The following FER1L6 variants were observed in gnomAD, a reference collection of about 807,000 sequenced individuals.
FER1L6 encodes the protein fer-1-like protein 6.
In FER1L6, 177 loss-of-function variants were observed where a neutral mutation model predicts 219.2. The observed-to-expected ratio is 0.81, with a 90% CI of 0.71 to 0.91. The LOEUF (loss-of-function observed/expected upper bound fraction) is 0.91, where lower values mean the gene tolerates loss of function less well. Ranked by LOEUF, FER1L6 falls within the 40% of genes least tolerant of loss-of-function variation. The pLI is 0.00. For synonymous variants in FER1L6, 768 were observed against 824.3 expected, an observed-to-expected ratio of 0.93 and a Z score of 1.17; for missense variants, 2,153 against 2,259.9, an observed-to-expected ratio of 0.95 and a Z score of 0.96.
At chr8:124,088,209 T>C (rs77700029) in intron 33 of FER1L6, among the ~76,000 whole-genome samples, 1,606 of 152,236 alleles carry the variant, frequency 0.011, 19 homozygotes, top group Non-Finnish European at 0.016. Flanking sequence ...GGAATCTACC[T>C]GCTGCTCTAT....
rs1421626408 is a variant in FER1L6, at chr8:123,852,587, A to C, written c.-8+402A>C. The stretch of plus-strand genomic sequence containing the variant: ...GGGGATTATAGAGACAAAAAGCATG[A>C]GGAAGTTGCCTCAGGAACTCATAGA... On this transcript the variant is annotated intron_variant, in intron 1 of 40. Coordinates refer to ENST00000522917, the MANE Select transcript of FER1L6 (RefSeq NM_001039112.2). This position sits in a 1 kb window ranked among gnomAD's most constrained non-coding sequence, Gnocchi z 4.9. 1.3e-5 allele frequency among the ~76,000 whole-genome samples: 2 copies of C among 152,082 alleles called. No individual in the cohort carries two copies. Among genetic ancestry groups the C allele is most frequent in the African/African-American group, 4.8e-5 (2 of 41,402 alleles).
chr8:124,081,605 CAAAAAAAA>C (rs1243602409), intron 32 of FER1L6, among the ~76,000 whole-genome samples: 1 of 53,002 alleles, frequency 1.9e-5, no homozygotes, highest in African/African-American at 6.2e-5. Flanking sequence ...ATGCAGAGAC[CAAAAAAAA>C]AAAAAAAAAA....
At chr8:123,981,891 A>G (rs1816340364) in intron 11 of FER1L6, among the ~76,000 whole-genome samples, 1 of 152,204 alleles carries the variant, frequency 6.6e-6, no homozygotes, top group Admixed American at 6.5e-5. Flanking sequence ...TTCTTAGCAC[A>G]TACATAGGAA....
chr8:124,023,970 C>T (rs1221794678), intron 18 of FER1L6, among the ~76,000 whole-genome samples: 2 of 150,942 alleles, frequency 1.3e-5, no homozygotes, highest in South Asian at 2.1e-4. Context: ...GACCTCGGCT[C>T]ACTGCAACCT....
chr8:124,091,422 GAGA>G lies in FER1L6; in HGVS notation c.4394_4396del (p.Glu1465del), dbSNP rs1260499191. ...AAGTGTGTTCTCCCTCCACTTTTCA[GAGA>G]AGGATACAATGCCTGGAGAGACACG... On this transcript the variant is annotated inframe_deletion and splice_region_variant, in exon 34 of 41. Coordinates refer to ENST00000522917, the MANE Select transcript of FER1L6 (RefSeq NM_001039112.2). The G allele has an allele frequency of 6.8e-6, 11 of 1,613,266 alleles. No individual in the cohort carries two copies. Among genetic ancestry groups the G allele is most frequent in the Admixed American group, 1.7e-5 (1 of 59,944 alleles).
chr8:124,005,224 A>G (rs911972842), intron 13 of FER1L6, among the ~76,000 whole-genome samples: 1 of 152,164 alleles, frequency 6.6e-6, no homozygotes, highest in African/African-American at 2.4e-5. Flanking sequence ...TCGCTAAACT[A>G]TGAGAACCAG....
chr8:123,975,309 A>G lies in FER1L6; in HGVS notation c.683+3A>G, dbSNP rs1279011657. On this transcript the variant is annotated splice_donor_region_variant and intron_variant, in intron 8 of 40. Coordinates refer to ENST00000522917, the MANE Select transcript of FER1L6 (RefSeq NM_001039112.2). ...GACACCGAGGAGCCAATAGAAAAGT[A>G]AGACAGGTCCATCCTGGGTTGTGCA... The G allele has an allele frequency of 5.6e-6, 9 of 1,605,722 alleles. No individual in the cohort carries two copies. The highest frequency in any genetic ancestry group is 4.5e-5 in the South Asian group (4 of 89,640).
rs370576485 is a variant in FER1L6 at position 123,853,918 on chromosome 8, G to A, written c.-8+1733G>A. On this transcript the variant is annotated intron_variant, in intron 1 of 40. Transcript: ENST00000522917. The surrounding 1 kb of genome is among the most constrained non-coding windows in gnomAD (Gnocchi z 6.6). ...GAGCCTGGACAGGGCAGCAGAAGGT[G>A]CACCTCTGAGGAGCAAAGGATGCAG... Among the ~76,000 whole-genome samples, 2 of 152,172 alleles carry A rather than the reference G, an allele frequency of 1.3e-5. No individual in the cohort carries two copies. Among genetic ancestry groups the A allele is most frequent in the South Asian group, 4.1e-4 (2 of 4,822 alleles).
In FER1L6 at chr8:123,975,317, T is replaced by A. The variant is rs762927507; in HGVS notation, c.683+11T>A. The A allele has an allele frequency of 1.2e-5, 20 of 1,602,262 alleles. No individual in the cohort carries two copies. In the East Asian group the frequency reaches 4.3e-4, roughly 34 times the overall value. ...GGAGCCAATAGAAAAGTAAGACAGG[T>A]CCATCCTGGGTTGTGCATAGAAATG... On this transcript the variant is annotated intron_variant, in intron 8 of 40. Transcript: ENST00000522917.
In FER1L6 at chr8:124,021,521, G is replaced by A. The variant is rs140853713; in HGVS notation, c.2014-29G>A. On this transcript the variant is annotated intron_variant, in intron 16 of 40. Transcript: ENST00000522917. ...TGCTTGTTGTCCAGATCTCTCGAAAGACCCACACTGACTCTTGTCTTGTTT... is the reference window on the plus strand; with the variant it reads ...TGCTTGTTGTCCAGATCTCTCGAAAAACCCACACTGACTCTTGTCTTGTTT... 1,447 of 1,612,440 alleles carry A rather than the reference G, an allele frequency of 9.0e-4. 17 individuals carry two copies. The African/African-American group carries it at 0.017, about 19-fold the overall frequency.
chr8:123,976,864 C>T (rs1235770969), intron 9 of FER1L6, among the ~76,000 whole-genome samples: 2 of 152,182 alleles, frequency 1.3e-5, no homozygotes, highest in African/African-American at 4.8e-5. Flanking sequence ...GGTGTCAGGG[C>T]CTGTGTACGT....
chr8:123,945,242 A>G (rs1263537096), intron 1 of FER1L6, among the ~76,000 whole-genome samples: 1 of 152,222 alleles, frequency 6.6e-6, no homozygotes, highest in East Asian at 1.9e-4. Flanking sequence ...GCTGAGGCTG[A>G]AATCCCGAGG....
At chr8:123,918,396 T>C (rs1813254129) in intron 1 of FER1L6, among the ~76,000 whole-genome samples, 1 of 152,132 alleles carries the variant, frequency 6.6e-6, no homozygotes, top group Non-Finnish European at 1.5e-5. Context: ...TAGTCCCCAG[T>C]TGATAAGTAT....
At chr8:124,097,969 T>C in intron 37 of FER1L6, 86 bp downstream of exon 37, 1 of 719,858 alleles carries the variant, frequency 1.4e-6, no homozygotes, top group Non-Finnish European at 2.5e-6. Context: ...TCATGGAGGA[T>C]ACTAAACCCA....
At chr8:124,103,355 G>C in intron 39 of FER1L6, 46 bp downstream of exon 39, 1 of 1,574,664 alleles carries the variant, frequency 6.4e-7, no homozygotes, top group Non-Finnish European at 8.7e-7. Context: ...GAAGTTGGGG[G>C]CATCATGCTT....
At chr8:123,921,258 G>A (rs1013497499) in intron 1 of FER1L6, among the ~76,000 whole-genome samples, 1 of 152,104 alleles carries the variant, frequency 6.6e-6, no homozygotes, top group Non-Finnish European at 1.5e-5. Context: ...TTGAGTAACC[G>A]CCATTCTGTT....
rs557106161 is a variant in FER1L6, at chr8:123,992,462, T to A, written c.1519+6286T>A. Among the ~76,000 whole-genome samples the A allele has an allele frequency of 1.4e-4, 22 of 152,316 alleles. 1 individual carries two copies. The highest frequency in any genetic ancestry group is 2.4e-4 in the Non-Finnish European group (16 of 68,026). ...TTGTATATTTCCAGGAATTTATCCA[T>A]TTCCTCTAGATTTTCTAGTTTGTGT... On this transcript the variant is annotated intron_variant, in intron 12 of 40. Transcript: ENST00000522917.
intron 1 of FER1L6, among the ~76,000 whole-genome samples, chr8:123,930,068 G>A (rs554860542): frequency 3.3e-5 from 5 of 151,872 alleles, no homozygotes; most frequent in East Asian, 3.9e-4. Context: ...CAGGTCCCAC[G>A]TACCCTTTAA....
chr8:123,884,916 C>A (rs1225528184), intron 1 of FER1L6, among the ~76,000 whole-genome samples: 3 of 152,112 alleles, frequency 2.0e-5, no homozygotes, highest in Admixed American at 1.3e-4. Context: ...AAAATAGAAT[C>A]ATTGCAGATG....
Sources: allele counts gnomAD v4.1 joint callset (sites outside exome capture counted in the v4.1 genomes callset), GRCh38; gene constraint gnomAD v4.1.1; non-coding constraint Gnocchi (gnomAD v3.1); transcripts MANE v1.5; gene names NCBI Gene and HGNC (gene_info 2026-07-23, HGNC 2026-07-21).